EXOC6B: variants seen among roughly 807,000 people sequenced by gnomAD.
The protein encoded by EXOC6B is SEC15 homolog B.
A neutral mutation model predicts 113.5 loss-of-function variants in EXOC6B; 54 were observed. The observed-to-expected ratio is 0.48, with a 90% confidence interval of 0.38 to 0.60. The LOEUF is 0.60. EXOC6B is among the 20% of genes least tolerant of loss of function. The pLI is 0.00. For missense variants in EXOC6B, 797 were observed against 977.5 expected, an observed-to-expected ratio of 0.82 and a Z score of 2.46; for synonymous variants, 357 against 339.0, an observed-to-expected ratio of 1.05 and a Z score of -0.58.
chr2:72,574,034 T>TGAACCCAG (rs1704674768), intron 7 of EXOC6B, among the ~76,000 whole-genome samples: 1 of 149,232 alleles, frequency 6.7e-6, no homozygotes, highest in African/African-American at 2.5e-5. Flanking sequence ...GAGAATGGCG[T>TGAACCCAG]GAACCCAGGA....
chr2:72,571,532 C>G (rs958579683), intron 7 of EXOC6B, among the ~76,000 whole-genome samples: 1 of 151,786 alleles, frequency 6.6e-6, no homozygotes, highest in African/African-American at 2.4e-5. Flanking sequence ...TTAGCTTAGC[C>G]AATAATAAAA....
intron 20 of EXOC6B, among the ~76,000 whole-genome samples, chr2:72,309,045 C>T (rs571822448): frequency 1.4e-4 from 22 of 152,150 alleles, no homozygotes; most frequent in African/African-American, 5.1e-4. Flanking sequence ...AATAAGTCAT[C>T]TCAAGCAGAA....
intron 6 of EXOC6B, among the ~76,000 whole-genome samples, chr2:72,704,039 A>G (rs1442818629): frequency 1.3e-5 from 2 of 151,428 alleles, no homozygotes; most frequent in African/African-American, 2.4e-5. Context: ...TTTCAGCACC[A>G]CACCACACCT....
chr2:72,211,078 C>A (rs1207783788), intron 20 of EXOC6B, among the ~76,000 whole-genome samples: 1 of 152,150 alleles, frequency 6.6e-6, no homozygotes, highest in Non-Finnish European at 1.5e-5. Context: ...CAATTTTACC[C>A]TCTTCCCTCT....
chr2:72,429,172 G>A (rs1395151227), intron 18 of EXOC6B, among the ~76,000 whole-genome samples: 1 of 152,190 alleles, frequency 6.6e-6, no homozygotes, highest in Non-Finnish European at 1.5e-5. Context: ...CCTGATGTTT[G>A]CATTTGATGC....
intron 6 of EXOC6B, among the ~76,000 whole-genome samples, chr2:72,656,111 A>G (rs771294625): frequency 3.3e-5 from 5 of 152,164 alleles, no homozygotes; most frequent in African/African-American, 4.8e-5. Context: ...AACATTTTGA[A>G]CTGAAGAATA....
intron 18 of EXOC6B, among the ~76,000 whole-genome samples, chr2:72,398,182 C>A (rs188175433): frequency 6.6e-6 from 1 of 152,172 alleles, no homozygotes; most frequent in African/African-American, 2.4e-5. Flanking sequence ...AAAAGCCAGA[C>A]CATCTTGCAG....
chr2:72,714,412 A>G lies in EXOC6B; in HGVS notation c.669+3691T>C, dbSNP rs537935314. On this transcript the variant is annotated intron_variant, in intron 6 of 21. Transcript: ENST00000272427. ...ACATCCCTACTGGGCCTGTTGCACT[A>G]TAAGTGAATAAAGAGTAAGAGTTAT... Among the ~76,000 whole-genome samples, 6 of 152,352 alleles carry G rather than the reference A, an allele frequency of 3.9e-5. No individual in the cohort carries two copies. In the East Asian group the frequency reaches 9.6e-4, roughly 24 times the overall value.
At chr2:72,373,067 T>TG (rs1160466592) in intron 19 of EXOC6B, among the ~76,000 whole-genome samples, 6 of 149,494 alleles carry the variant, frequency 4.0e-5, no homozygotes, top group Admixed American at 1.3e-4. Flanking sequence ...CGGAAGACTT[T>TG]TTTTTTTTTT....
rs564175622 is a variant in EXOC6B at position 72,625,748 on chromosome 2, G to C, written c.670-50080C>G. Among the ~76,000 whole-genome samples, 18 of 152,196 alleles carry C rather than the reference G, an allele frequency of 1.2e-4. No individual in the cohort carries two copies. In the South Asian group the frequency reaches 3.7e-3, roughly 32 times the overall value. ...CTTTTACTGAATTGTATAAATATCA[G>C]AGGATATTCCTATTTTCCTTCTAGT... On this transcript the variant is annotated intron_variant, in intron 6 of 21. Coordinates refer to ENST00000272427, the MANE Select transcript of EXOC6B (RefSeq NM_015189.3).
At chr2:72,395,797 C>T (rs576950364) in intron 18 of EXOC6B, among the ~76,000 whole-genome samples, 8 of 152,148 alleles carry the variant, frequency 5.3e-5, no homozygotes, top group African/African-American at 1.7e-4. Context: ...ATGCAGATAA[C>T]GTCACCAACC....
At chr2:72,687,313 A>C (rs1677160034) in intron 6 of EXOC6B, among the ~76,000 whole-genome samples, 1 of 152,184 alleles carries the variant, frequency 6.6e-6, no homozygotes, top group African/African-American at 2.4e-5. Flanking sequence ...ATGCAACCTA[A>C]CATTTTGTTC....
At chr2:72,791,511 C>T (rs1684672910) in intron 1 of EXOC6B, among the ~76,000 whole-genome samples, 1 of 152,212 alleles carries the variant, frequency 6.6e-6, no homozygotes, top group African/African-American at 2.4e-5. Flanking sequence ...AGTGCCACTG[C>T]ACTCCAGCCT....
intron 20 of EXOC6B, among the ~76,000 whole-genome samples, chr2:72,206,107 G>A (rs1487318492): frequency 6.6e-6 from 1 of 152,130 alleles, no homozygotes; most frequent in Admixed American, 6.5e-5. Flanking sequence ...ATGCATTATT[G>A]GTACAGTCTC....
intron 11 of EXOC6B, among the ~76,000 whole-genome samples, chr2:72,502,706 C>T (rs1700390258): frequency 1.3e-5 from 2 of 152,054 alleles, no homozygotes; most frequent in Admixed American, 6.6e-5. Context: ...TCAATGTATC[C>T]TTCCAACTTT....
Position 72,666,279 on chromosome 2 carries a change from T to C in EXOC6B, c.669+51824A>G, listed in dbSNP as rs143023004. On this transcript the variant is annotated intron_variant, in intron 6 of 21. Transcript: ENST00000272427. ...TGACAAAGAAACTCTGGACTTAAAC[T>C]TGATGCTCAAACCACTAGACCTAAC... is the stretch of plus-strand genomic sequence containing the variant. Among the ~76,000 whole-genome samples, 36 of 152,298 alleles carry C rather than the reference T, an allele frequency of 2.4e-4. 1 individual carries two copies. In the East Asian group the frequency reaches 6.9e-3, roughly 29 times the overall value.
intron 11 of EXOC6B, among the ~76,000 whole-genome samples, chr2:72,509,730 TA>T (rs1255378301): frequency 3.3e-5 from 5 of 152,106 alleles, no homozygotes; most frequent in Non-Finnish European, 2.9e-5. Flanking sequence ...AAATATAAGA[TA>T]AAGACAATGT....
intron 20 of EXOC6B, among the ~76,000 whole-genome samples, chr2:72,208,870 A>G (rs544993886): frequency 6.2e-4 from 94 of 152,312 alleles, no homozygotes; most frequent in Non-Finnish European, 9.3e-4. Flanking sequence ...AAACTCTTAC[A>G]TCAAATGAAT....
intron 18 of EXOC6B, among the ~76,000 whole-genome samples, chr2:72,424,122 CTT>C (rs10558982): frequency 0.2 from 30,429 of 151,924 alleles, 5,612 homozygotes; most frequent in African/African-American, 0.49. Context: ...TTTTTGCCCT[CTT>C]ATTTCTATGA....
Sources: allele counts gnomAD v4.1 joint callset (sites outside exome capture counted in the v4.1 genomes callset), GRCh38; gene constraint gnomAD v4.1.1; transcripts MANE v1.5; gene names NCBI Gene and HGNC (gene_info 2026-07-23, HGNC 2026-07-21).